ELAPOR2: variants seen among roughly 807,000 people sequenced by gnomAD.
ELAPOR2 encodes the protein endosome-lysosome associated apoptosis and autophagy regulator family member 2.
ELAPOR2 carries 89 observed loss-of-function variants against 120.7 expected under a neutral mutation model. The ratio of observed to expected loss-of-function variants is 0.74; its 90% confidence interval spans 0.62 to 0.88. ELAPOR2 has a LOEUF of 0.88. ELAPOR2 is among the 40% of genes least tolerant of loss of function. The pLI is 0.00. For synonymous variants in ELAPOR2, 444 were observed against 444.9 expected (o/e 1.00, Z 0.03); for missense variants, 1,134 against 1,251.6 (o/e 0.91, Z 1.42).
intron 21 of ELAPOR2, among the ~76,000 whole-genome samples, chr7:86,883,459 T>G (rs1463718803): frequency 6.6e-6 from 1 of 152,226 alleles, no homozygotes; most frequent in Non-Finnish European, 1.5e-5. Flanking sequence ...ATATTTATAG[T>G]AGCTTTATTC....
At chr7:87,047,242 A>C (rs1026862192) in intron 1 of ELAPOR2, among the ~76,000 whole-genome samples, 5 of 152,224 alleles carry the variant, frequency 3.3e-5, no homozygotes, top group African/African-American at 1.2e-4. Flanking sequence ...ACTAAAGGAC[A>C]ACATTGGGGA....
chr7:87,026,272 G>C (rs1024202449), intron 1 of ELAPOR2, among the ~76,000 whole-genome samples: 1 of 151,976 alleles, frequency 6.6e-6, no homozygotes, highest in African/African-American at 2.4e-5. Context: ...TTAATAAATT[G>C]TATGTTTAAT....
At chr7:87,012,282 T>C (rs559816284) in intron 1 of ELAPOR2, among the ~76,000 whole-genome samples, 102 of 152,232 alleles carry the variant, frequency 6.7e-4, no homozygotes, top group African/African-American at 2.3e-3. Flanking sequence ...TGGTGGCGCA[T>C]GCCTGTAGTC....
intron 1 of ELAPOR2, among the ~76,000 whole-genome samples, chr7:87,045,847 C>A (rs983727108): frequency 1.3e-5 from 2 of 151,940 alleles, no homozygotes; most frequent in Non-Finnish European, 2.9e-5. Flanking sequence ...CAGCTAGTAT[C>A]ATACCAAATG....
rs564551380 is a variant in ELAPOR2, at chr7:86,937,751, T to C, written c.1089+375A>G. On this transcript the variant is annotated intron_variant, in intron 8 of 21. Coordinates refer to ENST00000450689, the MANE Select transcript of ELAPOR2 (RefSeq NM_001142749.3). ...GCTGTGCTCTCTCTCATGTTATTAC[T>C]TCTGGAAAAAATGTAACTGTTAAAA... Among the ~76,000 whole-genome samples, 11 of 152,200 alleles carry C rather than the reference T, an allele frequency of 7.2e-5. No homozygotes were observed. The East Asian group carries it at 2.1e-3, about 29-fold the overall frequency.
At chr7:87,040,127 C>G (rs922164513) in intron 1 of ELAPOR2, among the ~76,000 whole-genome samples, 5 of 152,222 alleles carry the variant, frequency 3.3e-5, no homozygotes, top group African/African-American at 1.2e-4. Flanking sequence ...CCTACGCCCA[C>G]GGAGTCTCGC....
At chr7:86,914,960 A>C in intron 12 of ELAPOR2, 100 bp from the exon 13 acceptor site, 1 of 966,320 alleles carries the variant, frequency 1.0e-6, no homozygotes, top group Non-Finnish European at 1.5e-6. Flanking sequence ...AAGTAAACCC[A>C]TTACAGTTTA....
chr7:86,933,046 ATTC>A (rs1002016564), intron 8 of ELAPOR2, among the ~76,000 whole-genome samples: 1 of 151,760 alleles, frequency 6.6e-6, no homozygotes, highest in African/African-American at 2.4e-5. Context: ...TCTGACTTAT[ATTC>A]TTCTTTGTGT....
intron 19 of ELAPOR2, among the ~76,000 whole-genome samples, chr7:86,894,666 T>C (rs1433179149): frequency 6.6e-6 from 1 of 152,090 alleles, no homozygotes; most frequent in Non-Finnish European, 1.5e-5. Context: ...CTATAACTAT[T>C]AATTAGAAAG....
intron 1 of ELAPOR2, among the ~76,000 whole-genome samples, chr7:87,011,221 T>TC (rs56074608): frequency 7.2e-6 from 1 of 138,102 alleles, no homozygotes; most frequent in Non-Finnish European, 1.5e-5. Flanking sequence ...TGAGCCAAGA[T>TC]GCATGGCGAC....
intron 11 of ELAPOR2, 42 bp from the exon 12 acceptor site, chr7:86,918,586 A>G (rs1562921546): frequency 8.4e-7 from 1 of 1,193,560 alleles, no homozygotes; most frequent in East Asian, 2.3e-5. Flanking sequence ...ACTATGTTCT[A>G]AATACAATTT....
At chr7:86,979,297 T>C (rs183213600) in intron 1 of ELAPOR2, among the ~76,000 whole-genome samples, 151 of 152,238 alleles carry the variant, frequency 9.9e-4, no homozygotes, top group Non-Finnish European at 1.9e-3. Flanking sequence ...TTCATGCATC[T>C]TGAAGGACTG....
chr7:87,030,146 A>C (rs1439217521), intron 1 of ELAPOR2, among the ~76,000 whole-genome samples: 1 of 152,186 alleles, frequency 6.6e-6, no homozygotes, highest in Admixed American at 6.5e-5. Flanking sequence ...CCTCTGTCAT[A>C]GAGAGTGCAG....
chr7:87,009,887 T>C (rs1793598171), intron 1 of ELAPOR2, among the ~76,000 whole-genome samples: 1 of 152,204 alleles, frequency 6.6e-6, no homozygotes, highest in Non-Finnish European at 1.5e-5. Context: ...TTTTCTCCAG[T>C]AAACCTAAAA....
chr7:86,949,086 T>C (rs1425915798), intron 2 of ELAPOR2, among the ~76,000 whole-genome samples: 1 of 152,214 alleles, frequency 6.6e-6, no homozygotes, highest in African/African-American at 2.4e-5. Context: ...TGAATTAATA[T>C]AATGCTTTCC....
chr7:86,914,010 A>G (rs1488522930), intron 13 of ELAPOR2, among the ~76,000 whole-genome samples: 2 of 152,210 alleles, frequency 1.3e-5, no homozygotes, highest in African/African-American at 4.8e-5. Context: ...AGTCAAGTAC[A>G]ATCTGGGGAA....
At chr7:86,893,737 GA>G (rs1460647621) in intron 19 of ELAPOR2, among the ~76,000 whole-genome samples, 1 of 151,958 alleles carries the variant, frequency 6.6e-6, no homozygotes, top group Non-Finnish European at 1.5e-5. Flanking sequence ...TCATCCTCCC[GA>G]AATAGATGGC....
At position 87,041,524 on chromosome 7, in the gene ELAPOR2, G is replaced by A. The variant is rs571580995; in HGVS notation, c.189+17801C>T. Among the ~76,000 whole-genome samples the A allele has an allele frequency of 1.1e-4, 16 of 152,100 alleles. No individual in the cohort carries two copies. In the South Asian group the frequency reaches 1.2e-3, roughly 12 times the overall value. ...TATCCAGCCAAACTACTTCATAAGC[G>A]AAGGAGAAATAAAATACTTTACAGA... On this transcript the variant is annotated intron_variant, in intron 1 of 21. Coordinates refer to ENST00000450689, the MANE Select transcript of ELAPOR2 (RefSeq NM_001142749.3).
intron 1 of ELAPOR2, 46 bp from the exon 2 acceptor site, chr7:86,965,070 C>A (rs749815419): frequency 1.9e-6 from 3 of 1,547,544 alleles, no homozygotes; most frequent in African/African-American, 1.4e-5. Flanking sequence ...CCAGTTCTAA[C>A]GGGACAACTG....
Sources: gnomAD v4.1 joint callset for allele counts (sites outside exome capture counted in the v4.1 genomes callset) on GRCh38, gnomAD v4.1.1 for gene constraint, MANE v1.5 for transcripts, NCBI Gene and HGNC (gene_info 2026-07-23, HGNC 2026-07-21) for gene names.